LPP: variants seen among roughly 807,000 people sequenced by gnomAD.
LPP encodes the protein lipoma-preferred partner.
LPP carries 38 observed loss-of-function variants against 60.4 expected under a neutral mutation model. The ratio of observed to expected loss-of-function variants is 0.63; its 90% confidence interval spans 0.49 to 0.83. The LOEUF is 0.83. Among genes scored for constraint, LPP ranks in the 40% least tolerant of loss-of-function variants. The pLI is 0.00. For synonymous variants in LPP, 328 were observed against 290.8 expected (o/e 1.13, Z -1.30); for missense variants, 902 against 783.6 (o/e 1.15, Z -1.80).
At chr3:188,702,601 C>T (rs1269964889) in intron 7 of LPP, among the ~76,000 whole-genome samples, 1 of 152,138 alleles carries the variant, frequency 6.6e-6, no homozygotes, top group East Asian at 1.9e-4. Context: ...TATGTTAAGA[C>T]AATTTTGACG....
intron 5 of LPP, among the ~76,000 whole-genome samples, chr3:188,513,089 T>G (rs1816298391): frequency 6.6e-6 from 1 of 152,250 alleles, no homozygotes; most frequent in Non-Finnish European, 1.5e-5. Context: ...TTCATGTTAT[T>G]TTGTTATGCA....
rs115391424 is a variant in LPP at position 188,799,936 on chromosome 3, C to T, written c.1410+39654C>T. Among the ~76,000 whole-genome samples, 618 of 152,222 alleles carry T rather than the reference C, an allele frequency of 4.1e-3. 4 individuals carry two copies. Among genetic ancestry groups the T allele is most frequent in the African/African-American group, 0.014 (600 of 41,522 alleles). On this transcript the variant is annotated intron_variant, in intron 9 of 11. Coordinates refer to ENST00000617246, the MANE Select transcript of LPP (RefSeq NM_001375462.1). ...GAAGCCACTAGCAGTTGGCATATTT[C>T]CTTCCAGAATTTGTTGTGTATTATA...
chr3:188,530,095 A>G (rs542401517), intron 6 of LPP, among the ~76,000 whole-genome samples: 3 of 152,220 alleles, frequency 2.0e-5, no homozygotes, highest in Non-Finnish European at 4.4e-5. Context: ...AGTGAATATT[A>G]TTTGAAGAAT....
Position 188,597,525 on chromosome 3 carries a change from C to G in LPP, c.430-11636C>G, listed in dbSNP as rs374039783. 2.0e-3 allele frequency among the ~76,000 whole-genome samples: 308 copies of G among 152,102 alleles called. 1 individual carries two copies. Among genetic ancestry groups the G allele is most frequent in the African/African-American group, 7.2e-3 (298 of 41,502 alleles). On this transcript the variant is annotated intron_variant, in intron 6 of 11. Coordinates refer to ENST00000617246, the MANE Select transcript of LPP (RefSeq NM_001375462.1). ...TTCTATTACAGTAGTTGATTATAAC[C>G]AAAAACTAGTGAACCACACTCTCCA... is the stretch of plus-strand genomic sequence containing the variant.
intron 9 of LPP, among the ~76,000 whole-genome samples, chr3:188,851,855 T>C (rs13074477): frequency 0.12 from 18,154 of 152,198 alleles, 1,556 homozygotes; most frequent in Non-Finnish European, 0.18. Flanking sequence ...TACAGTTTGG[T>C]GGGTCAGAAA....
At chr3:188,825,269 CTGTGTGTGTGTGTGTGTGTGTGTGTGTG>C (rs3057956) in intron 9 of LPP, among the ~76,000 whole-genome samples, 1 of 101,690 alleles carries the variant, frequency 9.8e-6, no homozygotes, top group Admixed American at 1.2e-4. Context: ...CTCTCTCTCT[CTGTGTGTGTGTGTGTGTGTGTGTGTGTG>C]TGTGTGTGTG....
In LPP at chr3:188,637,045, A is replaced by T. The variant is rs183066596; in HGVS notation, c.1113+27201A>T. On this transcript the variant is annotated intron_variant, in intron 7 of 11. Transcript: ENST00000617246. ...ACATCTGCAGAACTCTCCACCCGAA[A>T]TCAACAGAATATACATTTTTTTCAG... 3.3e-5 allele frequency among the ~76,000 whole-genome samples: 5 copies of T among 149,862 alleles called. No homozygotes were observed. The East Asian group carries it at 9.7e-4, about 29-fold the overall frequency.
chr3:188,760,367 T>A, intron 9 of LPP, 85 bp downstream of exon 9: 2 of 1,426,456 alleles, frequency 1.4e-6, no homozygotes, highest in Admixed American at 1.7e-5. Context: ...AATATAGCCA[T>A]CAGATCTTTG....
chr3:188,679,049 T>A (rs1334202387), intron 7 of LPP, among the ~76,000 whole-genome samples: 1 of 152,194 alleles, frequency 6.6e-6, no homozygotes, highest in Non-Finnish European at 1.5e-5. Flanking sequence ...CTCTGGGGTA[T>A]CTTCAGAGGT....
At chr3:188,155,753 C>T (rs554502478) in intron 1 of LPP, among the ~76,000 whole-genome samples, 1 of 152,276 alleles carries the variant, frequency 6.6e-6, no homozygotes, top group Admixed American at 6.5e-5. Context: ...GTGGCTCACG[C>T]CTGTAATCCC....
chr3:188,540,115 G>A (rs1002227046), intron 6 of LPP, among the ~76,000 whole-genome samples: 1 of 152,102 alleles, frequency 6.6e-6, no homozygotes, highest in African/African-American at 2.4e-5. Flanking sequence ...ACATGACCTG[G>A]CCCCTGTGGG....
rs144494646 is a variant in LPP, at chr3:188,395,512, G to A, written c.-9-10600G>A. On this transcript the variant is annotated intron_variant, in intron 3 of 11. Coordinates refer to ENST00000617246, the MANE Select transcript of LPP (RefSeq NM_001375462.1). ...CTCCCAAAGTGCTAGGATTATATGT[G>A]TGAGCCACTGCTCCCAGCTGAGCTT... Among the ~76,000 whole-genome samples, 3 of 152,184 alleles carry A rather than the reference G, an allele frequency of 2.0e-5. No homozygotes were observed. In the East Asian group the frequency reaches 5.8e-4, roughly 29 times the overall value.
chr3:188,712,133 T>C (rs1346257287), intron 8 of LPP: 1 of 152,224 alleles, frequency 6.6e-6, no homozygotes, highest in Non-Finnish European at 1.5e-5. Flanking sequence ...CCCTTGCACA[T>C]TGAGATCACA....
chr3:188,236,857 G>A (rs371313881), intron 2 of LPP, among the ~76,000 whole-genome samples: 1 of 152,166 alleles, frequency 6.6e-6, no homozygotes, highest in African/African-American at 2.4e-5. Flanking sequence ...GAAAGTTGGG[G>A]TGGCTGTGGC....
At chr3:188,861,770 G>A (rs759673371) in intron 9 of LPP, among the ~76,000 whole-genome samples, 3 of 152,130 alleles carry the variant, frequency 2.0e-5, no homozygotes, top group African/African-American at 4.8e-5. Flanking sequence ...GTTGATTTGT[G>A]ATTTAATTGT....
intron 3 of LPP, among the ~76,000 whole-genome samples, chr3:188,393,338 TCCTAAAGCAGGGAAGCC>T (rs1454087821): frequency 6.6e-6 from 1 of 152,144 alleles, no homozygotes. Flanking sequence ...GAGCACATGC[TCCTAAAGCAGGGAAGCC>T]CCCAAAGCCT....
At chr3:188,870,089 C>G (rs943786738) in intron 10 of LPP, among the ~76,000 whole-genome samples, 1 of 152,094 alleles carries the variant, frequency 6.6e-6, no homozygotes, top group Admixed American at 6.5e-5. Context: ...TTTTATAAGT[C>G]TGCTGTAGAT....
chr3:188,516,618 G>A (rs1358738739), intron 5 of LPP, among the ~76,000 whole-genome samples: 1 of 138,478 alleles, frequency 7.2e-6, no homozygotes, highest in Non-Finnish European at 1.5e-5. Flanking sequence ...ACACTTAAAT[G>A]TTCATTGTGT....
At chr3:188,806,292 T>C (rs1023811922) in intron 9 of LPP, among the ~76,000 whole-genome samples, 1 of 151,910 alleles carries the variant, frequency 6.6e-6, no homozygotes, top group Non-Finnish European at 1.5e-5. Context: ...TATATCATCT[T>C]AACCCCATAT....
Sources: allele counts gnomAD v4.1 joint callset (sites outside exome capture counted in the v4.1 genomes callset), GRCh38; gene constraint gnomAD v4.1.1; transcripts MANE v1.5; gene names NCBI Gene and HGNC (gene_info 2026-07-23, HGNC 2026-07-21).